CDH11: variants seen among roughly 807,000 people sequenced by gnomAD.
The protein encoded by CDH11 is cadherin-11.
Under a neutral mutation model 67.8 loss-of-function variants are expected in CDH11, and 11 were observed. That is an observed-to-expected ratio of 0.16 (90% CI 0.10 to 0.27). The LOEUF is 0.27. Ranked by LOEUF, CDH11 falls within the 10% of genes least tolerant of loss-of-function variation. CDH11 has a pLI of 1.00. For synonymous variants in CDH11, 419 were observed against 400.0 expected, an observed-to-expected ratio of 1.05 and a Z score of -0.57; for missense variants, 847 against 1,031.2, an observed-to-expected ratio of 0.82 and a Z score of 2.45.
intron 1 of CDH11, among the ~76,000 whole-genome samples, chr16:65,074,340 G>A (rs905959661): frequency 6.6e-6 from 1 of 152,118 alleles, no homozygotes; most frequent in Non-Finnish European, 1.5e-5. Flanking sequence ...GAAATAGCAA[G>A]AGTTCAGAGT....
upstream of CDH11, among the ~76,000 whole-genome samples, chr16:65,122,628 G>A (rs2075354389): frequency 6.6e-6 from 1 of 152,088 alleles, no homozygotes; most frequent in African/African-American, 2.4e-5. Context: ...CAACGTTGGC[G>A]GCTCCTGCCC....
rs1174417201 is a variant in CDH11, at chr16:64,946,602, A to AT, written c.*1000dup. ...AAAAAGCTTTACATGATGTTACAGA[A>AT]TCTTGTCTGAAAAAACATTTGTAAA... is the stretch of plus-strand genomic sequence containing the variant. On this transcript the variant is annotated 3_prime_UTR_variant, in exon 13 of 13. Coordinates refer to ENST00000268603, the MANE Select transcript of CDH11 (RefSeq NM_001797.4). The AT allele has an allele frequency of 8.6e-5, 89 of 1,032,332 alleles. No homozygotes were observed. Among genetic ancestry groups the AT allele is most frequent in the Non-Finnish European group, 1.0e-4 (89 of 858,138 alleles). The allele number at this position is 1,032,332 out of a possible 1,614,324, so 63.9% of individuals were successfully genotyped here.
At chr16:65,026,336 C>A (rs1441477492) in intron 2 of CDH11, among the ~76,000 whole-genome samples, 1 of 152,104 alleles carries the variant, frequency 6.6e-6, no homozygotes, top group East Asian at 1.9e-4. Flanking sequence ...GCCCTTTGGT[C>A]TGTATTTAGT....
chr16:65,013,968 G>A (rs756261536), intron 2 of CDH11, among the ~76,000 whole-genome samples: 10 of 152,212 alleles, frequency 6.6e-5, no homozygotes, highest in Admixed American at 3.9e-4. Context: ...CTATGAAGGC[G>A]GGGACCTTTT....
intron 2 of CDH11, among the ~76,000 whole-genome samples, chr16:65,026,545 A>AG (rs2073538212): frequency 6.6e-6 from 1 of 152,150 alleles, no homozygotes; most frequent in Non-Finnish European, 1.5e-5. Context: ...TTTGGAGACA[A>AG]GGATTTCTTC....
intron 1 of CDH11, among the ~76,000 whole-genome samples, chr16:65,101,813 T>C (rs1490144805): frequency 3.9e-5 from 6 of 152,252 alleles, no homozygotes; most frequent in Admixed American, 6.5e-5. Context: ...TCCATAAGAA[T>C]AGATACTGTG....
chr16:65,085,008 C>T (rs908664872), intron 1 of CDH11, among the ~76,000 whole-genome samples: 1 of 152,196 alleles, frequency 6.6e-6, no homozygotes, highest in African/African-American at 2.4e-5. Flanking sequence ...CTCCCAGGTT[C>T]AAGCAATTCT....
At chr16:64,957,102 C>G (rs1430554552) in intron 11 of CDH11, among the ~76,000 whole-genome samples, 1 of 152,200 alleles carries the variant, frequency 6.6e-6, no homozygotes, top group Non-Finnish European at 1.5e-5. Flanking sequence ...CTGCCCTCAT[C>G]ATGGTGTCAG....
chr16:64,991,874 C>A lies in CDH11; in HGVS notation c.705G>T (p.Val235=), dbSNP rs1407036506. The stretch of plus-strand genomic sequence containing the variant: ...GTCCACCCATGTCCTTGGCCTGGAT[C>A]ACCACGTGGTACTCCTCCTTGGCCT... The part of the protein sequence containing the change: ...DREAKEEYHV[V]IQAKDMGGHM... The change falls in exon 6 of 13, where the codon GTG becomes GTT. Residue 235 remains valine (V), a synonymous_variant. Coordinates refer to ENST00000268603, the MANE Select transcript of CDH11 (RefSeq NM_001797.4). The A allele has an allele frequency of 1.2e-6, 2 of 1,613,748 alleles. No homozygotes were observed. The highest frequency in any genetic ancestry group is 3.3e-5 in the Admixed American group (2 of 60,006).
At chr16:65,113,995 G>A (rs1199907384) in intron 1 of CDH11, among the ~76,000 whole-genome samples, 2 of 152,108 alleles carry the variant, frequency 1.3e-5, no homozygotes, top group Non-Finnish European at 2.9e-5. Context: ...AACAATTGCA[G>A]AGCCTTCAAG....
At chr16:65,013,823 T>A (rs1826821) in intron 2 of CDH11, among the ~76,000 whole-genome samples, 53,647 of 148,974 alleles carry the variant, frequency 0.36, 9,875 homozygotes, top group South Asian at 0.5. Flanking sequence ...CAAGACTCCA[T>A]CTCAAAAAAA....
intron 1 of CDH11, among the ~76,000 whole-genome samples, chr16:65,117,729 G>T (rs1325110367): frequency 6.6e-6 from 1 of 151,978 alleles, no homozygotes; most frequent in African/African-American, 2.4e-5. Flanking sequence ...TGAAAGAACG[G>T]GCAATGGTGT....
intron 2 of CDH11, among the ~76,000 whole-genome samples, chr16:65,028,886 A>T (rs1203244877): frequency 6.6e-6 from 1 of 152,192 alleles, no homozygotes; most frequent in Non-Finnish European, 1.5e-5. Flanking sequence ...AGTCAAATTC[A>T]TAAAAGCAAA....
At chr16:65,110,804 T>C (rs570686283) in intron 1 of CDH11, among the ~76,000 whole-genome samples, 91 of 152,296 alleles carry the variant, frequency 6.0e-4, no homozygotes, top group African/African-American at 2.1e-3. Flanking sequence ...CTCTTCCTCC[T>C]ATAAAGGTGC....
chr16:64,987,161 T>G (rs2072508020), intron 7 of CDH11: 1 of 152,186 alleles, frequency 6.6e-6, no homozygotes, highest in Non-Finnish European at 1.5e-5. Flanking sequence ...GATGGAGAGG[T>G]GTTGATTTCT....
At chr16:65,038,695 G>A (rs2073803721) in intron 2 of CDH11, among the ~76,000 whole-genome samples, 1 of 152,202 alleles carries the variant, frequency 6.6e-6, no homozygotes, top group Non-Finnish European at 1.5e-5. Flanking sequence ...AGTCTAGGTA[G>A]AGAAGGAGCC....
chr16:65,052,423 T>C (rs1044895051), intron 2 of CDH11, among the ~76,000 whole-genome samples: 3 of 152,178 alleles, frequency 2.0e-5, no homozygotes, highest in Non-Finnish European at 4.4e-5. Context: ...AAGTCCAAGC[T>C]AAGATATAAA....
intron 11 of CDH11, among the ~76,000 whole-genome samples, chr16:64,952,661 T>TACACACACACATACACACAC (rs2071393127): frequency 7.2e-6 from 1 of 138,562 alleles, no homozygotes; most frequent in Non-Finnish European, 1.7e-5. Context: ...CATACACACA[T>TACACACACACATACACACAC]ACACACACAC....
At chr16:65,095,056 T>C (rs2074865262) in intron 1 of CDH11, among the ~76,000 whole-genome samples, 1 of 152,202 alleles carries the variant, frequency 6.6e-6, no homozygotes, top group South Asian at 2.1e-4. Context: ...CACCAGAACC[T>C]GTGAAGTTGT....
Sources: gnomAD v4.1 joint callset for allele counts (sites outside exome capture counted in the v4.1 genomes callset) on GRCh38, gnomAD v4.1.1 for gene constraint, MANE v1.5 for transcripts, NCBI Gene and HGNC (gene_info 2026-07-23, HGNC 2026-07-21) for gene names.